Variants in UNC13C observed in about 807,000 individuals in gnomAD.
UNC13C encodes protein unc-13 homolog C.
In UNC13C, 174 loss-of-function variants were observed where a neutral mutation model predicts 245.4. The observed-to-expected ratio is 0.71, with a 90% CI of 0.63 to 0.80. The LOEUF (loss-of-function observed/expected upper bound fraction) is 0.80. UNC13C is among the 30% of genes least tolerant of loss of function. The pLI is 0.00. For synonymous variants in UNC13C, 992 were observed against 895.1 expected (o/e 1.11, Z -1.93); for missense variants, 2,829 against 2,602.9 (o/e 1.09, Z -1.89).
chr15:54,466,274 T>C (rs1036642881), intron 19 of UNC13C, among the ~76,000 whole-genome samples: 2 of 151,848 alleles, frequency 1.3e-5, no homozygotes, highest in East Asian at 3.9e-4. Context: ...CTCAGTGGGG[T>C]GACTATAGTT....
rs59846367 is a variant in UNC13C at position 54,403,762 on chromosome 15, G to A, written c.4847+10581G>A. Among the ~76,000 whole-genome samples the A allele has an allele frequency of 3.4e-3, 496 of 143,834 alleles. 23 individuals carry two copies. In the East Asian group the frequency reaches 0.075, roughly 22 times the overall value. The allele number at this position is 143,834 out of a possible 152,430, so 94.4% of individuals were successfully genotyped here. A position where few individuals can be genotyped will look rare whatever the true frequency, so the allele number is the denominator to read the frequency against. On this transcript the variant is annotated intron_variant, in intron 18 of 32. Coordinates refer to ENST00000260323, the MANE Select transcript of UNC13C (RefSeq NM_001080534.3). ...AAAGGCTTACATAGATCCATTCACA[G>A]TTTTGTTTTTCATGTTAAAATTAAG...
chr15:54,440,170 C>A (rs933779036), intron 19 of UNC13C, among the ~76,000 whole-genome samples: 1 of 152,024 alleles, frequency 6.6e-6, no homozygotes, highest in Non-Finnish European at 1.5e-5. Context: ...CCTGCCTCCA[C>A]TTCTCTCTCC....
intron 4 of UNC13C, among the ~76,000 whole-genome samples, chr15:54,177,290 G>A (rs572440779): frequency 6.6e-6 from 1 of 152,230 alleles, no homozygotes; most frequent in South Asian, 2.1e-4. Context: ...TGTATGTATA[G>A]ACTGAGATAA....
intron 4 of UNC13C, among the ~76,000 whole-genome samples, chr15:54,192,469 G>T (rs561109140): frequency 6.6e-6 from 1 of 152,186 alleles, no homozygotes; most frequent in South Asian, 2.1e-4. Context: ...TAGCCTTTAT[G>T]TCTTTCCAGA....
At chr15:54,169,072 A>C (rs918939385) in intron 4 of UNC13C, among the ~76,000 whole-genome samples, 4 of 152,214 alleles carry the variant, frequency 2.6e-5, no homozygotes, top group Admixed American at 6.5e-5. Flanking sequence ...CTAAATGGCA[A>C]GGAAACATTT....
chr15:54,015,065 C>G lies in UNC13C; in HGVS notation c.2162C>G (p.Ser721Cys). Residue 721 changes from serine (S) to cysteine (C), a missense_variant, in exon 2 of 33, where the codon TCT becomes TGT. Transcript: ENST00000260323. ...SYDLTQDDNS[S>C]PCPGLDNEPQ... The stretch of plus-strand genomic sequence containing the variant: ...GACTTAACTCAAGATGACAATTCTT[C>G]TCCATGCCCTGGCTTGGATAATGAA... 1 of 1,612,872 alleles carries G rather than the reference C, an allele frequency of 6.2e-7. No homozygotes were observed. The highest frequency in any genetic ancestry group is 8.5e-7 in the Non-Finnish European group (1 of 1,179,446).
chr15:54,501,658 A>T (rs1163772812), intron 22 of UNC13C, among the ~76,000 whole-genome samples: 1 of 152,170 alleles, frequency 6.6e-6, no homozygotes, highest in Non-Finnish European at 1.5e-5. Flanking sequence ...TTGAAAGATG[A>T]CGTGAAAAGG....
chr15:54,577,622 G>A (rs1220807196), intron 30 of UNC13C, among the ~76,000 whole-genome samples: 1 of 152,130 alleles, frequency 6.6e-6, no homozygotes. Context: ...TCCTTTGACT[G>A]TAAGCTTCTC....
rs28690800 is a variant in UNC13C, at chr15:54,105,313, G to A, written c.2984-37705G>A. On this transcript the variant is annotated intron_variant, in intron 2 of 32. Coordinates refer to ENST00000260323, the MANE Select transcript of UNC13C (RefSeq NM_001080534.3). ...GGGGTCTCAGCAGTGTTTTCAGATGGTCAATTATTCTCTTGCTTTCAGCTC... is the reference window on the plus strand; with the variant it reads ...GGGGTCTCAGCAGTGTTTTCAGATGATCAATTATTCTCTTGCTTTCAGCTC... Among the ~76,000 whole-genome samples the A allele has an allele frequency of 7.8e-3, 1,192 of 152,138 alleles. 15 individuals carry two copies. The highest frequency in any genetic ancestry group is 0.027 in the African/African-American group (1,140 of 41,492).
At chr15:54,078,069 T>C (rs1898733481) in intron 2 of UNC13C, among the ~76,000 whole-genome samples, 1 of 152,150 alleles carries the variant, frequency 6.6e-6, no homozygotes, top group Non-Finnish European at 1.5e-5. Flanking sequence ...AGTGAGCACG[T>C]GGTATTTTTT....
intron 7 of UNC13C, among the ~76,000 whole-genome samples, chr15:54,239,246 A>G (rs551838097): frequency 2.0e-5 from 3 of 152,092 alleles, no homozygotes; most frequent in Non-Finnish European, 2.9e-5. Context: ...TCTTTCTGTC[A>G]TTGTCATCTT....
chr15:54,610,302 C>T, intron 30 of UNC13C, among the ~76,000 whole-genome samples: 1 of 152,034 alleles, frequency 6.6e-6, no homozygotes. Context: ...GTGGCGCGAT[C>T]TCGGCTCACT....
At position 54,607,032 on chromosome 15, in the gene UNC13C, T is replaced by TG. The variant is rs528698683; in HGVS notation, c.6107-15292dup. ...TGTGGAGAAATCAGGGAAGGTTTTG[T>TG]GGGAAAAAAAATTGGCATTTTCATC... On this transcript the variant is annotated intron_variant, in intron 30 of 32. Transcript: ENST00000260323. Among the ~76,000 whole-genome samples, 562 of 152,250 alleles carry TG rather than the reference T, an allele frequency of 3.7e-3. 1 individual carries two copies. Among genetic ancestry groups the TG allele is most frequent in the Middle Eastern group, 0.01 (3 of 294 alleles).
At chr15:54,123,846 G>T (rs529150956) in intron 2 of UNC13C, among the ~76,000 whole-genome samples, 1 of 152,122 alleles carries the variant, frequency 6.6e-6, no homozygotes, top group African/African-American at 2.4e-5. Flanking sequence ...ATAATCACTC[G>T]CACTATTCTC....
At chr15:54,604,927 C>T (rs996561379) in intron 30 of UNC13C, among the ~76,000 whole-genome samples, 1 of 146,194 alleles carries the variant, frequency 6.8e-6, no homozygotes, top group Non-Finnish European at 1.5e-5. Flanking sequence ...ATCTGCACTT[C>T]CGGCACATGT....
At chr15:54,381,294 T>C (rs2140899685) in intron 17 of UNC13C, among the ~76,000 whole-genome samples, 1 of 152,338 alleles carries the variant, frequency 6.6e-6, no homozygotes, top group South Asian at 2.1e-4. Context: ...CTCTATTCTG[T>C]TGCATTGATC....
chr15:54,036,996 A>G (rs935386997), intron 2 of UNC13C, among the ~76,000 whole-genome samples: 1 of 152,218 alleles, frequency 6.6e-6, no homozygotes, highest in Middle Eastern at 3.2e-3. Flanking sequence ...TGCCAAGAAA[A>G]TGGGCCTGCT....
At chr15:54,450,036 C>T (rs1180838987) in intron 19 of UNC13C, among the ~76,000 whole-genome samples, 2 of 152,186 alleles carry the variant, frequency 1.3e-5, no homozygotes, top group African/African-American at 4.8e-5. Context: ...GCTGGAGGTC[C>T]ACTGCAGACC....
intron 2 of UNC13C, among the ~76,000 whole-genome samples, chr15:54,123,436 A>G (rs994124951): frequency 1.1e-4 from 17 of 151,578 alleles, no homozygotes; most frequent in African/African-American, 3.4e-4. Context: ...TTCTTAGTAT[A>G]TTTCTTAGTA....
Sources: allele counts gnomAD v4.1 joint callset (sites outside exome capture counted in the v4.1 genomes callset), GRCh38; gene constraint gnomAD v4.1.1; transcripts MANE v1.5; gene names NCBI Gene and HGNC (gene_info 2026-07-23, HGNC 2026-07-21).